ANKRD6: variants seen among roughly 807,000 people sequenced by gnomAD.
ANKRD6 encodes ankyrin repeat domain 6, also known as ankyrin repeat domain-containing protein 6.
In ANKRD6, 56 loss-of-function variants were observed where a neutral mutation model predicts 82.3. The observed-to-expected ratio is 0.68, with a 90% confidence interval of 0.55 to 0.85. The LOEUF (loss-of-function observed/expected upper bound fraction) is 0.85. Ranked by LOEUF, ANKRD6 falls within the 40% of genes least tolerant of loss-of-function variation. The probability of loss-of-function intolerance (pLI) is 0.00; values close to 1 mark genes in which losing one functional copy is unlikely to be tolerated. For synonymous variants in ANKRD6, 347 were observed against 352.1 expected (o/e 0.99, Z 0.16); for missense variants, 852 against 907.6 (o/e 0.94, Z 0.79).
intron 1 of ANKRD6, among the ~76,000 whole-genome samples, chr6:89,550,722 G>A (rs1320060410): frequency 1.3e-5 from 2 of 152,084 alleles, no homozygotes; most frequent in African/African-American, 4.8e-5. Context: ...TTGGGAGGCC[G>A]AGGAGGGGTG....
intron 2 of ANKRD6, among the ~76,000 whole-genome samples, chr6:89,575,032 C>T (rs372387241): frequency 2.6e-4 from 39 of 152,250 alleles, no homozygotes; most frequent in African/African-American, 3.9e-4. Context: ...AGAAAGGGCA[C>T]GATCTAATGC....
At chr6:89,525,174 G>A (rs745782907) in intron 1 of ANKRD6, among the ~76,000 whole-genome samples, 10 of 151,650 alleles carry the variant, frequency 6.6e-5, no homozygotes, top group Non-Finnish European at 1.5e-4. Flanking sequence ...CACACCTCTA[G>A]TCCGAGCTAC....
chr6:89,565,751 G>A, intron 1 of ANKRD6, among the ~76,000 whole-genome samples: 1 of 152,244 alleles, frequency 6.6e-6, no homozygotes, highest in Non-Finnish European at 1.5e-5. Flanking sequence ...GTTAGGATGT[G>A]TGGTAGGGTT....
chr6:89,500,409 A>G (rs1779136387), intron 1 of ANKRD6, among the ~76,000 whole-genome samples: 1 of 152,216 alleles, frequency 6.6e-6, no homozygotes, highest in South Asian at 2.1e-4. Flanking sequence ...AGCCTCTGGA[A>G]ATGGAATGAA....
At chr6:89,535,707 A>G (rs903068981) in intron 1 of ANKRD6, among the ~76,000 whole-genome samples, 21 of 152,192 alleles carry the variant, frequency 1.4e-4, no homozygotes, top group African/African-American at 4.8e-4. Flanking sequence ...ACAGCACTTG[A>G]CCTGTCCTTG....
intron 1 of ANKRD6, among the ~76,000 whole-genome samples, chr6:89,506,252 G>T (rs151143704): frequency 6.6e-6 from 1 of 152,158 alleles, no homozygotes; most frequent in Non-Finnish European, 1.5e-5. Flanking sequence ...TAATTAACCC[G>T]ATTGTGGTAC....
intron 1 of ANKRD6, among the ~76,000 whole-genome samples, chr6:89,543,744 G>A (rs1332924738): frequency 1.3e-5 from 2 of 152,190 alleles, no homozygotes; most frequent in Admixed American, 1.3e-4. Context: ...GTCAGCCTCT[G>A]CTTTTCAGCT....
chr6:89,539,750 T>C (rs1784248764), intron 1 of ANKRD6, among the ~76,000 whole-genome samples: 1 of 151,744 alleles, frequency 6.6e-6, no homozygotes, highest in Admixed American at 6.6e-5. Flanking sequence ...TCTTTTTTTT[T>C]TTTTACACCC....
chr6:89,541,754 T>C (rs927142862), intron 1 of ANKRD6, among the ~76,000 whole-genome samples: 5 of 151,754 alleles, frequency 3.3e-5, no homozygotes, highest in African/African-American at 1.2e-4. Flanking sequence ...TCCTGCAACA[T>C]TACTGTACTT....
intron 1 of ANKRD6, among the ~76,000 whole-genome samples, chr6:89,522,055 C>G (rs1781951312): frequency 6.6e-6 from 1 of 152,162 alleles, no homozygotes; most frequent in Non-Finnish European, 1.5e-5. Flanking sequence ...TTGTGGATCT[C>G]CCAAGGAAGA....
At chr6:89,519,958 G>A (rs1781693961) in intron 1 of ANKRD6, among the ~76,000 whole-genome samples, 2 of 152,176 alleles carry the variant, frequency 1.3e-5, no homozygotes, top group Admixed American at 1.3e-4. Context: ...CTCAAGTTAT[G>A]AGACTCGATG....
intron 1 of ANKRD6, among the ~76,000 whole-genome samples, chr6:89,536,523 G>A (rs1303361769): frequency 1.3e-5 from 2 of 152,206 alleles, no homozygotes; most frequent in Non-Finnish European, 2.9e-5. Flanking sequence ...GAAATGCAGC[G>A]TGACTGTCCT....
chr6:89,569,096 T>C (rs1282140922), intron 2 of ANKRD6, among the ~76,000 whole-genome samples: 1 of 151,846 alleles, frequency 6.6e-6, no homozygotes, highest in Non-Finnish European at 1.5e-5. Context: ...GTATTTTGAG[T>C]AGAGATAGGG....
At chr6:89,458,408 G>A (rs1332501270) in intron 1 of ANKRD6, among the ~76,000 whole-genome samples, 2 of 152,242 alleles carry the variant, frequency 1.3e-5, no homozygotes, top group Admixed American at 6.5e-5. Flanking sequence ...TCTGCAAGTT[G>A]AGGAGCAAGG....
At chr6:89,445,034 G>T (rs537507249) in intron 1 of ANKRD6, among the ~76,000 whole-genome samples, 1 of 152,068 alleles carries the variant, frequency 6.6e-6, no homozygotes, top group African/African-American at 2.4e-5. Context: ...CTAGTCCCTA[G>T]ATATTTGATA....
At chr6:89,558,593 G>C (rs1038635042) in intron 1 of ANKRD6, among the ~76,000 whole-genome samples, 2 of 152,164 alleles carry the variant, frequency 1.3e-5, no homozygotes, top group African/African-American at 4.8e-5. Context: ...AATAGGCAGA[G>C]CACAGGGGAG....
At chr6:89,616,818 G>A in intron 8 of ANKRD6, 161 bp downstream of exon 8, 1 of 758,866 alleles carries the variant, frequency 1.3e-6, no homozygotes, top group Non-Finnish European at 2.3e-6. Context: ...GGACTTGAAG[G>A]GTACCCCTGC....
intron 1 of ANKRD6, among the ~76,000 whole-genome samples, chr6:89,474,639 G>A (rs1775843973): frequency 6.6e-6 from 1 of 152,122 alleles, no homozygotes; most frequent in South Asian, 2.1e-4. Flanking sequence ...GGATGGTTTC[G>A]ATCTCCTGAC....
At chr6:89,533,193 T>C (rs942738231) in intron 1 of ANKRD6, among the ~76,000 whole-genome samples, 7 of 152,156 alleles carry the variant, frequency 4.6e-5, no homozygotes, top group Non-Finnish European at 8.8e-5. Context: ...GTATTTTTTA[T>C]GGAGACGGTA....
Sources: allele counts gnomAD v4.1 joint callset (sites outside exome capture counted in the v4.1 genomes callset), GRCh38; gene constraint gnomAD v4.1.1; transcripts MANE v1.5; gene names NCBI Gene and HGNC (gene_info 2026-07-23, HGNC 2026-07-21).